Variants in GSN observed in about 807,000 individuals in gnomAD.
The protein encoded by GSN is actin-depolymerizing factor.
GSN carries 56 observed loss-of-function variants against 85.7 expected under a neutral mutation model. That is an observed-to-expected ratio of 0.65 (90% CI 0.53 to 0.82). The LOEUF (loss-of-function observed/expected upper bound fraction) is 0.82, where lower values mean the gene tolerates loss of function less well. GSN is among the 40% of genes least tolerant of loss of function. The pLI, the probability that GSN is intolerant of heterozygous loss-of-function variation, is 0.00. For missense variants in GSN, 857 were observed against 979.8 expected, an observed-to-expected ratio of 0.87 and a Z score of 1.67; for synonymous variants, 373 against 399.1, an observed-to-expected ratio of 0.93 and a Z score of 0.78.
intron 5 of GSN, among the ~76,000 whole-genome samples, chr9:121,244,888 T>G (rs901031517): frequency 6.6e-6 from 1 of 152,016 alleles, no homozygotes. Flanking sequence ...AATATTCCCA[T>G]AGCAAAAGGG....
upstream of GSN, among the ~76,000 whole-genome samples, chr9:121,263,295 C>T (rs375191503): frequency 1.3e-5 from 2 of 151,754 alleles, no homozygotes; most frequent in Admixed American, 6.6e-5. Context: ...AGTATTTCTA[C>T]CATATAGATA....
chr9:121,325,626 G>A (rs1589207335), intron 12 of GSN, among the ~76,000 whole-genome samples: 1 of 152,170 alleles, frequency 6.6e-6, no homozygotes, highest in African/African-American at 2.4e-5. Context: ...TATAGGGGAA[G>A]CGGACAACAA....
chr9:121,302,046 C>T lies in GSN; in HGVS notation c.75C>T (p.Phe25=), dbSNP rs149415778. The T allele has an allele frequency of 3.4e-5, 55 of 1,614,216 alleles. No individual in the cohort carries two copies. The highest frequency in any genetic ancestry group is 8.9e-5 in the East Asian group (4 of 44,886). The change falls in exon 3 of 18, where the codon TTC becomes TTT. Residue 25 remains phenylalanine, a synonymous_variant. Coordinates refer to ENST00000432226, the MANE Select transcript of GSN (RefSeq NM_198252.3). ...TGCAGATCTGGCGTGTGGAGAAGTTCGATCTGGTGCCCGTGCCCACCAACC... is the reference window on the plus strand; with the variant it reads ...TGCAGATCTGGCGTGTGGAGAAGTTTGATCTGGTGCCCGTGCCCACCAACC... The part of the protein sequence containing the change: ...PGLQIWRVEK[F]DLVPVPTNLY...
In GSN at chr9:121,215,359, G is replaced by A. The variant is rs543743616; in HGVS notation, c.-528+4492G>A. Among the ~76,000 whole-genome samples, 4 of 151,676 alleles carry A rather than the reference G, an allele frequency of 2.6e-5. No individual in the cohort carries two copies. The South Asian group carries it at 6.3e-4, about 24-fold the overall frequency. On this transcript the variant is annotated intron_variant, in intron 4 of 24. Transcript: ENST00000373823. ...TCATTTTTTTTTCTTTTTGTGGGGC[G>A]ACACAATTCAACCCGTAACATTGGT...
chr9:121,288,608 G>T (rs752373284), intron 2 of GSN, among the ~76,000 whole-genome samples: 1 of 152,190 alleles, frequency 6.6e-6, no homozygotes. Flanking sequence ...ACTGAGACGG[G>T]AAGTCACTTT....
upstream of GSN, among the ~76,000 whole-genome samples, chr9:121,266,248 C>T (rs998786914): frequency 6.6e-6 from 1 of 152,218 alleles, no homozygotes; most frequent in Non-Finnish European, 1.5e-5. Context: ...CCAATGTTTC[C>T]TCCATCGTGA....
intron 6 of GSN, among the ~76,000 whole-genome samples, chr9:121,252,240 A>C (rs2054854521): frequency 2.0e-5 from 3 of 152,178 alleles, no homozygotes; most frequent in Admixed American, 2.0e-4. Flanking sequence ...GAATTTTGAC[A>C]GTTGGAGTAG....
chr9:121,206,011 T>C (rs2053875682), upstream of GSN, among the ~76,000 whole-genome samples: 1 of 152,030 alleles, frequency 6.6e-6, no homozygotes, highest in Non-Finnish European at 1.5e-5. Flanking sequence ...CTTGAATCTT[T>C]TTTGTTTAGT....
chr9:121,215,336 A>AT (rs538148578), intron 4 of GSN, among the ~76,000 whole-genome samples: 7 of 150,054 alleles, frequency 4.7e-5, no homozygotes, highest in East Asian at 3.9e-4. Flanking sequence ...TCAACATATC[A>AT]TTTTTTTTTC....
upstream of GSN, among the ~76,000 whole-genome samples, chr9:121,204,944 C>G (rs779134638): frequency 4.6e-5 from 7 of 152,178 alleles, no homozygotes; most frequent in Non-Finnish European, 1.0e-4. Flanking sequence ...GTTTATGTAA[C>G]TAGACATTGA....
Position 121,329,835 on chromosome 9 carries a change from G to T in GSN, c.1965+520G>T, listed in dbSNP as rs2063687983. On this transcript the variant is annotated intron_variant, in intron 16 of 17. Transcript: ENST00000432226. This position sits in a 1 kb window ranked among gnomAD's most constrained non-coding sequence, Gnocchi z 4.6. ...ACCAATATTAATTGGGCACTGCTTTGTGCCAGGTGCTTTATGTTTGAGATG... is the reference window on the plus strand; with the variant it reads ...ACCAATATTAATTGGGCACTGCTTTTTGCCAGGTGCTTTATGTTTGAGATG... Among the ~76,000 whole-genome samples the T allele has an allele frequency of 6.6e-6, 1 of 152,284 alleles. No individual in the cohort carries two copies. The highest frequency in any genetic ancestry group is 2.1e-4 in the South Asian group (1 of 4,826).
chr9:121,299,802 C>A lies in GSN; in HGVS notation c.-9-2161C>A. On this transcript the variant is annotated intron_variant, in intron 2 of 17. Transcript: ENST00000432226. This position sits in a 1 kb window ranked among gnomAD's most constrained non-coding sequence, Gnocchi z 4.2. The stretch of plus-strand genomic sequence containing the variant: ...CTTGGGCGGGATGGGCGGGCGGCTA[C>A]TTAAGGTCGGCGACCCGAGGCCGCG... 1 of 1,278,406 alleles carries A rather than the reference C, an allele frequency of 7.8e-7. No individual in the cohort carries two copies. Among genetic ancestry groups the A allele is most frequent in the Non-Finnish European group, 9.9e-7 (1 of 1,005,634 alleles). The allele number at this position is 1,278,406 out of a possible 1,614,324, so 79.2% of individuals were successfully genotyped here.
intron 5 of GSN, among the ~76,000 whole-genome samples, chr9:121,246,908 A>G (rs1000587445): frequency 6.6e-6 from 1 of 152,114 alleles, no homozygotes; most frequent in Non-Finnish European, 1.5e-5. Context: ...TCATGGCCAG[A>G]GTTTAAGGCG....
In GSN at chr9:121,327,421, C is replaced by A; in HGVS notation, c.1701C>A (p.Ala567=). The change falls in exon 14 of 18, where the codon GCC becomes GCA. Residue 567 remains alanine (A), a synonymous_variant. Coordinates refer to ENST00000432226, the MANE Select transcript of GSN (RefSeq NM_198252.3). ...CCAGCGAGGCAGAGAAGACGGGGGC[C>A]CAGGAGCTGCTCAGGGTGCTGCGGG... ...TGASEAEKTG[A]QELLRVLRAQ... 1.2e-6 allele frequency: 2 copies of A among 1,609,580 alleles called. No homozygotes were observed. Among genetic ancestry groups the A allele is most frequent in the Non-Finnish European group, 1.7e-6 (2 of 1,177,890 alleles).
chr9:121,265,743 A>T (rs188040077), upstream of GSN: 11 of 152,332 alleles, frequency 7.2e-5, no homozygotes, highest in East Asian at 2.1e-3. Context: ...TCAGCAAGAC[A>T]TTCACTCTGA....
intron 4 of GSN, among the ~76,000 whole-genome samples, chr9:121,222,440 C>T (rs2054187042): frequency 6.6e-6 from 1 of 152,052 alleles, no homozygotes; most frequent in Non-Finnish European, 1.5e-5. Context: ...ATCTGATTAA[C>T]AGACAAGTAT....
chr9:121,321,727 A>ATTTG (rs1388056715), intron 11 of GSN, among the ~76,000 whole-genome samples: 4 of 128,922 alleles, frequency 3.1e-5, no homozygotes, highest in Non-Finnish European at 4.9e-5. Flanking sequence ...TTAAATTTAT[A>ATTTG]TTTGTTTATT....
intron 4 of GSN, among the ~76,000 whole-genome samples, chr9:121,218,536 G>A (rs2054109747): frequency 1.3e-5 from 2 of 152,208 alleles, no homozygotes; most frequent in Admixed American, 6.5e-5. Flanking sequence ...TCAGGAGGCT[G>A]AGTCACGAGA....
rs543908230 is a variant in GSN at position 121,261,751 on chromosome 9, G to A, written c.-340-3403G>A. Reference sequence around the variant, plus strand: ...ATTCACCTTAAACACCTCCACGCCCGTACCTAGGGGGTTCCCATGATGACA... The same window carrying A: ...ATTCACCTTAAACACCTCCACGCCCATACCTAGGGGGTTCCCATGATGACA... On this transcript the variant is annotated intron_variant, in intron 6 of 24. Coordinates refer to the GSN transcript ENST00000373823. The surrounding 1 kb of genome is among the most constrained non-coding windows in gnomAD (Gnocchi z 4.1). 2.4e-4 allele frequency among the ~76,000 whole-genome samples: 37 copies of A among 152,276 alleles called. No homozygotes were observed. Among genetic ancestry groups the A allele is most frequent in the Admixed American group, 5.9e-4 (9 of 15,292 alleles).
Sources: allele counts gnomAD v4.1 joint callset (sites outside exome capture counted in the v4.1 genomes callset), GRCh38; gene constraint gnomAD v4.1.1; non-coding constraint Gnocchi (gnomAD v3.1); transcripts MANE v1.5; gene names NCBI Gene and HGNC (gene_info 2026-07-23, HGNC 2026-07-21).